Variants in PAK2 observed in about 807,000 individuals in gnomAD.
PAK2 encodes the protein p21 (RAC1) activated kinase 2, also known as serine/threonine-protein kinase PAK 2.
Under a neutral mutation model 65.9 loss-of-function variants are expected in PAK2, and 21 were observed. The observed-to-expected ratio is 0.32, with a 90% CI of 0.23 to 0.46. The LOEUF (loss-of-function observed/expected upper bound fraction) is 0.46, where lower values mean the gene tolerates loss of function less well. Among genes scored for constraint, PAK2 ranks in the 20% least tolerant of loss-of-function variants. The pLI, the probability that PAK2 is intolerant of heterozygous loss-of-function variation, is 1.00. For synonymous variants in PAK2, 204 were observed against 219.7 expected (o/e 0.93, Z 0.63); for missense variants, 324 against 642.6 (o/e 0.50, Z 5.36).
rs1250574181 is a variant in PAK2, at chr3:196,751,674, C to CACATATATATATATATATATAT, written c.-22+11518_-22+11519insCATATATATATATATATATATA. Among the ~76,000 whole-genome samples the CACATATATATATATATATATAT allele has an allele frequency of 4.5e-4, 32 of 71,808 alleles. 3 individuals carry two copies. Among genetic ancestry groups the CACATATATATATATATATATAT allele is most frequent in the African/African-American group, 2.4e-3 (32 of 13,278 alleles). The allele number at this position is 71,808 out of a possible 152,430, so 47.1% of individuals were successfully genotyped here. ...AAAAACACACAAATTTATTTATATA[C>CACATATATATATATATATATAT]ATATATATATATATATATATAATTC... On this transcript the variant is annotated intron_variant, in intron 1 of 14. Coordinates refer to ENST00000327134, the MANE Select transcript of PAK2 (RefSeq NM_002577.4).
At chr3:196,747,157 A>T (rs1365271932) in intron 1 of PAK2, 2 of 118,920 alleles carry the variant, frequency 1.7e-5, no homozygotes, top group Non-Finnish European at 3.6e-5. Context: ...TTTTCTCTTT[A>T]TTTTGCTCTC....
chr3:196,745,347 C>T (rs776510459), intron 1 of PAK2, among the ~76,000 whole-genome samples: 1 of 137,464 alleles, frequency 7.3e-6, no homozygotes, highest in African/African-American at 2.8e-5. Context: ...TGGTCTCAAA[C>T]TCCTGACCTC....
chr3:196,805,544 C>T (rs922733645), intron 5 of PAK2, among the ~76,000 whole-genome samples, 161 bp downstream of exon 5: 2 of 151,920 alleles, frequency 1.3e-5, no homozygotes, highest in Non-Finnish European at 2.9e-5. Context: ...TTGAAGAAGC[C>T]GTATTAAATA....
At chr3:196,780,641 C>G (rs752679062) in intron 1 of PAK2, among the ~76,000 whole-genome samples, 2 of 152,030 alleles carry the variant, frequency 1.3e-5, no homozygotes, top group Non-Finnish European at 2.9e-5. Context: ...TGTTTTTGCT[C>G]CTTTACCTTT....
intron 1 of PAK2, among the ~76,000 whole-genome samples, chr3:196,743,479 A>G (rs1391767942): frequency 6.6e-6 from 1 of 152,238 alleles, no homozygotes; most frequent in Non-Finnish European, 1.5e-5. Flanking sequence ...TTCTGTAATT[A>G]TAGGTCTTAA....
intron 8 of PAK2, among the ~76,000 whole-genome samples, chr3:196,811,293 C>CT (rs1560113813): frequency 6.1e-3 from 12 of 1,964 alleles, no homozygotes; most frequent in South Asian, 0.013. Context: ...CCTCCCTTCC[C>CT]TCCCTCCCTT....
rs1207529163 is a variant in PAK2 at position 196,805,493 on chromosome 3, A to G, written c.468+110A>G. 8.7e-6 allele frequency: 5 copies of G among 576,564 alleles called. No homozygotes were observed. In the South Asian group the frequency reaches 1.3e-4, roughly 15 times the overall value. 35.7% of individuals were successfully genotyped at this position (576,564 alleles called of 1,614,324 possible). ...AATAAATTACAGCCATCAGAGGTAA[A>G]TAACTACTCAATAGGTGTTTTTAGC... On this transcript the variant is annotated intron_variant, in intron 5 of 14. Coordinates refer to ENST00000327134, the MANE Select transcript of PAK2 (RefSeq NM_002577.4).
intron 1 of PAK2, among the ~76,000 whole-genome samples, chr3:196,761,202 A>G (rs1713951312): frequency 8.3e-6 from 1 of 120,254 alleles, no homozygotes; most frequent in Admixed American, 9.1e-5. Context: ...TGTTTCTCAC[A>G]GAGGGGGATT....
chr3:196,748,738 A>G (rs1713474016), intron 1 of PAK2, among the ~76,000 whole-genome samples: 1 of 152,184 alleles, frequency 6.6e-6, no homozygotes, highest in Non-Finnish European at 1.5e-5. Context: ...TTTGGTGATT[A>G]TGAATAAAGC....
chr3:196,809,991 G>C (rs1715721462), intron 7 of PAK2, among the ~76,000 whole-genome samples: 1 of 151,912 alleles, frequency 6.6e-6, no homozygotes, highest in Non-Finnish European at 1.5e-5. Context: ...CATATGATTA[G>C]TTTATGTCAG....
At chr3:196,759,527 T>TGG (rs1713892426) in intron 1 of PAK2, among the ~76,000 whole-genome samples, 1 of 136,178 alleles carries the variant, frequency 7.3e-6, no homozygotes, top group Non-Finnish European at 1.6e-5. Flanking sequence ...TTTTTTTTTT[T>TGG]TTTTTTTTTT....
intron 13 of PAK2, among the ~76,000 whole-genome samples, chr3:196,823,518 CTA>C (rs1352603484): frequency 6.6e-6 from 1 of 151,936 alleles, no homozygotes; most frequent in Non-Finnish European, 1.5e-5. Context: ...AAGCCTGTGA[CTA>C]TCCATTCCCA....
chr3:196,803,726 A>G (rs1397455347), intron 4 of PAK2, among the ~76,000 whole-genome samples: 3 of 152,230 alleles, frequency 2.0e-5, no homozygotes, highest in African/African-American at 7.2e-5. Context: ...AATATCATCT[A>G]CATAGTCACA....
chr3:196,771,477 C>G (rs200755955), intron 1 of PAK2, among the ~76,000 whole-genome samples: 2 of 151,982 alleles, frequency 1.3e-5, no homozygotes, highest in East Asian at 3.8e-4. Context: ...TTCAGTGGAC[C>G]AGTCCTTCAT....
At chr3:196,812,140 T>C in intron 8 of PAK2, 79 bp from the exon 9 acceptor site, 1 of 835,712 alleles carries the variant, frequency 1.2e-6, no homozygotes, top group Non-Finnish European at 2.1e-6. Flanking sequence ...TTCAATTGCT[T>C]GAAGTGTAAA....
intron 2 of PAK2, among the ~76,000 whole-genome samples, chr3:196,795,723 C>T (rs866367923): frequency 3.9e-5 from 6 of 152,036 alleles, no homozygotes; most frequent in Non-Finnish European, 5.9e-5. Flanking sequence ...ATTTTAAATG[C>T]GTAAAAGCTG....
rs959911812 is a variant in PAK2 at position 196,805,238 on chromosome 3, T to A, written c.437-114T>A. ...GTGTTCATTTTTCTCAAGAGTTAAT[T>A]CAACTTGAAATCAGTTTAAGAACAT... On this transcript the variant is annotated intron_variant, in intron 4 of 14. Transcript: ENST00000327134. The A allele has an allele frequency of 9.0e-5, 56 of 621,916 alleles. No homozygotes were observed. The South Asian group carries it at 1.1e-3, about 12-fold the overall frequency. The allele number at this position is 621,916 out of a possible 1,614,324, so 38.5% of individuals were successfully genotyped here. A position where few individuals can be genotyped will look rare whatever the true frequency, so the allele number is the denominator to read the frequency against.
intron 1 of PAK2, among the ~76,000 whole-genome samples, chr3:196,772,190 T>C (rs1172755781): frequency 2.0e-5 from 3 of 152,226 alleles, no homozygotes; most frequent in East Asian, 1.9e-4. Context: ...TTGGTTGTTA[T>C]GTGCATTATA....
chr3:196,783,153 C>T (rs961405033), intron 2 of PAK2, among the ~76,000 whole-genome samples: 6 of 152,058 alleles, frequency 3.9e-5, no homozygotes, highest in African/African-American at 1.4e-4. Context: ...TGAGATAGGG[C>T]CCACAGTCCC....
Sources: gnomAD v4.1 joint callset for allele counts (sites outside exome capture counted in the v4.1 genomes callset) on GRCh38, gnomAD v4.1.1 for gene constraint, MANE v1.5 for transcripts, NCBI Gene and HGNC (gene_info 2026-07-23, HGNC 2026-07-21) for gene names.